The following NDC80 variants were observed in gnomAD, a reference collection of about 807,000 sequenced individuals.
The protein encoded by NDC80 is kinetochore protein NDC80 homolog.
Under a neutral mutation model 89.3 loss-of-function variants are expected in NDC80, and 69 were observed. The ratio of observed to expected loss-of-function variants is 0.77; its 90% CI spans 0.64 to 0.94. The LOEUF is 0.94. Ranked by LOEUF, NDC80 falls within the 40% of genes least tolerant of loss-of-function variation. The pLI, the probability that NDC80 is intolerant of heterozygous loss-of-function variation, is 0.00. For synonymous variants in NDC80, 243 were observed against 255.6 expected, an observed-to-expected ratio of 0.95 and a Z score of 0.47; for missense variants, 593 against 739.6, an observed-to-expected ratio of 0.80 and a Z score of 2.30.
At chr18:2,576,269 T>C (rs1043572751) in intron 3 of NDC80, among the ~76,000 whole-genome samples, 6 of 152,236 alleles carry the variant, frequency 3.9e-5, no homozygotes, top group Non-Finnish European at 5.9e-5. Context: ...ATGCATTCAA[T>C]TTAAAATAAC....
chr18:2,590,096 T>C lies in NDC80; in HGVS notation c.949T>C (p.Leu317=), dbSNP rs778222495. The C allele has an allele frequency of 1.1e-5, 17 of 1,612,266 alleles. No individual in the cohort carries two copies. The East Asian group carries it at 3.6e-4, about 34-fold the overall frequency. The change falls in exon 10 of 17, where the codon TTG becomes CTG. Residue 317 remains leucine (L), a synonymous_variant. Coordinates refer to ENST00000261597, the MANE Select transcript of NDC80 (RefSeq NM_006101.3). ...VQKYQAYMSN[L]ESHSAILDQK... ...AAAGTATCAGGCATACATGAGCAAT[T>C]TGGAGTCTCATTCAGCCATTCTTGA...
intron 12 of NDC80, among the ~76,000 whole-genome samples, chr18:2,600,332 C>T (rs1426577457): frequency 1.3e-5 from 2 of 152,016 alleles, no homozygotes; most frequent in Admixed American, 6.6e-5. Context: ...TTTGAGAGGC[C>T]GGGCAAGGTG....
At chr18:2,609,088 A>T (rs1018763766) in intron 15 of NDC80, among the ~76,000 whole-genome samples, 33 of 152,158 alleles carry the variant, frequency 2.2e-4, no homozygotes, top group Non-Finnish European at 8.8e-5. Flanking sequence ...ATGGCTTTTA[A>T]TCCCTGAAAA....
intron 16 of NDC80, among the ~76,000 whole-genome samples, chr18:2,613,768 A>G (rs1173744334): frequency 1.3e-5 from 2 of 152,234 alleles, no homozygotes; most frequent in Admixed American, 6.5e-5. Context: ...TCTTCTCTAC[A>G]TCAAAAGACA....
At chr18:2,594,203 CAAT>C (rs1353604069) in intron 10 of NDC80, 1 of 154,390 alleles carries the variant, frequency 6.5e-6, no homozygotes, top group Non-Finnish European at 1.4e-5. Context: ...CCATTGAAGC[CAAT>C]TTAATCAACT....
At chr18:2,579,479 G>GT (rs2072565013) in intron 6 of NDC80, among the ~76,000 whole-genome samples, 1 of 152,098 alleles carries the variant, frequency 6.6e-6, no homozygotes, top group Non-Finnish European at 1.5e-5. Context: ...CCAGGCTGGA[G>GT]TGCGGTGGCA....
intron 3 of NDC80, among the ~76,000 whole-genome samples, chr18:2,575,496 T>G (rs1195079906): frequency 6.6e-6 from 1 of 152,024 alleles, no homozygotes; most frequent in Non-Finnish European, 1.5e-5. Context: ...CCAGGTGCAG[T>G]GGCTCACACC....
chr18:2,604,981 G>GT (rs2072702699), intron 13 of NDC80, among the ~76,000 whole-genome samples: 1 of 152,096 alleles, frequency 6.6e-6, no homozygotes, highest in Non-Finnish European at 1.5e-5. Context: ...ATAGTAAATG[G>GT]TAGGGACCCA....
chr18:2,590,613 C>T (rs773616428), intron 10 of NDC80, among the ~76,000 whole-genome samples: 21 of 152,192 alleles, frequency 1.4e-4, no homozygotes, highest in Non-Finnish European at 2.4e-4. Flanking sequence ...AGATTTAGGG[C>T]CCACCTGGAT....
At chr18:2,590,380 A>C (rs931465694) in intron 10 of NDC80, among the ~76,000 whole-genome samples, 6 of 152,348 alleles carry the variant, frequency 3.9e-5, no homozygotes, top group Admixed American at 3.9e-4. Flanking sequence ...ATTATCGCAC[A>C]GTTCTAGAGG....
At chr18:2,613,527 G>A (rs2072756251) in intron 16 of NDC80, among the ~76,000 whole-genome samples, 1 of 152,150 alleles carries the variant, frequency 6.6e-6, no homozygotes, top group South Asian at 2.1e-4. Context: ...AGAATAGTTG[G>A]ATAAAATGAA....
intron 8 of NDC80, among the ~76,000 whole-genome samples, chr18:2,588,526 G>A (rs892676670): frequency 2.7e-5 from 4 of 150,896 alleles, no homozygotes; most frequent in African/African-American, 9.8e-5. Context: ...AAATAGTCTT[G>A]TATATAAAAT....
At chr18:2,600,485 T>A (rs2143658161) in intron 12 of NDC80, among the ~76,000 whole-genome samples, 1 of 152,072 alleles carries the variant, frequency 6.6e-6, no homozygotes, top group East Asian at 1.9e-4. Context: ...GGTGCACACC[T>A]GTAGTCCCAG....
At chr18:2,598,185 C>A (rs1412120134) in intron 11 of NDC80, among the ~76,000 whole-genome samples, 1 of 152,124 alleles carries the variant, frequency 6.6e-6, no homozygotes, top group Non-Finnish European at 1.5e-5. Context: ...CCATTGCATT[C>A]CTTCACTCAA....
chr18:2,576,157 CA>C (rs2072545476), intron 3 of NDC80, among the ~76,000 whole-genome samples: 1 of 152,084 alleles, frequency 6.6e-6, no homozygotes, highest in Non-Finnish European at 1.5e-5. Context: ...GTCATTTTTA[CA>C]GTCTAAAAGA....
At chr18:2,607,911 C>T (rs2072720924) in intron 14 of NDC80, among the ~76,000 whole-genome samples, 2 of 139,732 alleles carry the variant, frequency 1.4e-5, no homozygotes. Flanking sequence ...TCTTTTCATA[C>T]AAATGTAGAG....
chr18:2,580,307 T>C (rs2072569930), intron 6 of NDC80, among the ~76,000 whole-genome samples: 1 of 152,098 alleles, frequency 6.6e-6, no homozygotes, highest in Non-Finnish European at 1.5e-5. Context: ...TTCCTCTCTA[T>C]ATGGTGCAAG....
chr18:2,591,051 A>G (rs2072625220), intron 10 of NDC80, among the ~76,000 whole-genome samples: 1 of 152,150 alleles, frequency 6.6e-6, no homozygotes, highest in Non-Finnish European at 1.5e-5. Context: ...CTAATAAGCC[A>G]GATTCTTGAT....
chr18:2,580,062 C>T (rs1598364763), intron 6 of NDC80, among the ~76,000 whole-genome samples: 1 of 31,610 alleles, frequency 3.2e-5, no homozygotes, highest in South Asian at 1.4e-3. Flanking sequence ...TTTATTTCAC[C>T]TTTGCTTTTT....
Sources: allele counts gnomAD v4.1 joint callset (sites outside exome capture counted in the v4.1 genomes callset), GRCh38; gene constraint gnomAD v4.1.1; transcripts MANE v1.5; gene names NCBI Gene and HGNC (gene_info 2026-07-23, HGNC 2026-07-21).